PAPSS1: variants seen among roughly 807,000 people sequenced by gnomAD.
PAPSS1 encodes the protein 3'-phosphoadenosine 5'-phosphosulfate synthase 1.
PAPSS1 carries 50 observed loss-of-function variants against 72.0 expected under a neutral mutation model. The observed-to-expected ratio is 0.69, with a 90% CI of 0.55 to 0.88. The LOEUF is 0.88. Ranked by LOEUF, PAPSS1 falls within the 40% of genes least tolerant of loss-of-function variation. The pLI is 0.00. For missense variants in PAPSS1, 657 were observed against 782.2 expected, an observed-to-expected ratio of 0.84 and a Z score of 1.91; for synonymous variants, 261 against 263.6, an observed-to-expected ratio of 0.99 and a Z score of 0.09.
At position 107,631,778 on chromosome 4, in the gene PAPSS1, G is replaced by A. The variant is rs2110302489; in HGVS notation, c.1589C>T (p.Pro530Leu). 4.3e-6 allele frequency: 7 copies of A among 1,614,056 alleles called. No homozygotes were observed. Among genetic ancestry groups the A allele is most frequent in the Non-Finnish European group, 5.1e-6 (6 of 1,179,976 alleles). ...VGRDPAGMPH[P>L]ETGKDLYEPS... ...CTCATAAAGATCCTTCCCTGTTTCT[G>A]GATGAGGCATGCCAGCAGGGTCTCG... Residue 530 changes from proline (P) to leucine (L), a missense_variant, in exon 11 of 12, where the codon CCA (proline) becomes CTA (leucine). Physicochemically the swap from Pro to Leu is moderately conservative, Grantham distance 98. Transcript: ENST00000265174.
intron 3 of PAPSS1, among the ~76,000 whole-genome samples, chr4:107,690,391 C>G (rs376427830): frequency 3.3e-5 from 5 of 152,138 alleles, no homozygotes; most frequent in African/African-American, 1.2e-4. Flanking sequence ...CAGTTTTCTC[C>G]CTCTGGTCTA....
chr4:107,631,501 G>T, intron 11 of PAPSS1, 130 bp downstream of exon 11: 1 of 607,232 alleles, frequency 1.6e-6, no homozygotes, highest in East Asian at 2.8e-5. Context: ...TTACTTTTCT[G>T]GGTTTACCTT....
intron 5 of PAPSS1, among the ~76,000 whole-genome samples, chr4:107,664,851 T>A (rs1727274427): frequency 6.6e-6 from 1 of 152,218 alleles, no homozygotes; most frequent in African/African-American, 2.4e-5. Context: ...ACAAAGGCTA[T>A]AACCACTTTC....
intron 9 of PAPSS1, among the ~76,000 whole-genome samples, chr4:107,647,525 C>A (rs183697547): frequency 1.9e-3 from 282 of 152,288 alleles, no homozygotes; most frequent in Non-Finnish European, 3.4e-3. Context: ...GTGGCACCAA[C>A]CTTTTATATG....
intron 2 of PAPSS1, among the ~76,000 whole-genome samples, chr4:107,700,461 A>C (rs371447038): frequency 1.1e-4 from 16 of 152,242 alleles, no homozygotes; most frequent in African/African-American, 3.9e-4. Context: ...AAAGCTGAAT[A>C]ATAGAAATTC....
rs11945089 is a variant in PAPSS1, at chr4:107,693,735, T to C, written c.411+36A>G. ...TGCCTGATACCATATTCTCAATAAA[T>C]GTAAGCAGAAAGGCAATGGCACAAA... is the stretch of plus-strand genomic sequence containing the variant. On this transcript the variant is annotated intron_variant, in intron 3 of 11. Transcript: ENST00000265174. 8,468 of 1,427,276 alleles carry C rather than the reference T, an allele frequency of 5.9e-3. 408 individuals are homozygous for C. In the African/African-American group the frequency reaches 0.1, roughly 17 times the overall value. 88.4% of individuals were successfully genotyped at this position (1,427,276 alleles called of 1,614,324 possible).
chr4:107,654,572 C>T (rs1726942263), intron 8 of PAPSS1, 123 bp downstream of exon 8: 1 of 775,618 alleles, frequency 1.3e-6, no homozygotes, highest in Non-Finnish European at 2.2e-6. Flanking sequence ...AATCTAAGGT[C>T]CAATCTCTAC....
At chr4:107,711,015 A>C (rs922182672) in intron 1 of PAPSS1, among the ~76,000 whole-genome samples, 1 of 152,254 alleles carries the variant, frequency 6.6e-6, no homozygotes, top group African/African-American at 2.4e-5. Context: ...CCTTGACCAA[A>C]GCACAGCCAT....
intron 4 of PAPSS1, among the ~76,000 whole-genome samples, chr4:107,683,411 A>C (rs940852342): frequency 3.9e-5 from 6 of 152,158 alleles, no homozygotes; most frequent in African/African-American, 1.4e-4. Context: ...TTAAGCTCTG[A>C]TTCTCAAATG....
rs766491164 is a variant in PAPSS1, at chr4:107,720,231, A to G, written c.-52T>C. ...GGTTCTCTGCGCCGGGAGGGTAGCA[A>G]GAGGAGGGCAGGCCAGCGAGCGGGG... On this transcript the variant is annotated 5_prime_UTR_variant, in exon 1 of 12. Coordinates refer to ENST00000265174, the MANE Select transcript of PAPSS1 (RefSeq NM_005443.5). The G allele has an allele frequency of 4.5e-6, 7 of 1,556,928 alleles. No individual in the cohort carries two copies. In the African/African-American group the frequency reaches 5.6e-5, roughly 12 times the overall value.
chr4:107,635,826 A>T (rs2110305603), intron 10 of PAPSS1, among the ~76,000 whole-genome samples: 1 of 152,340 alleles, frequency 6.6e-6, no homozygotes, highest in African/African-American at 2.4e-5. Flanking sequence ...AGACTTTAAA[A>T]TATTCTTATC....
intron 1 of PAPSS1, among the ~76,000 whole-genome samples, chr4:107,702,736 A>C (rs922874051): frequency 6.6e-6 from 1 of 152,178 alleles, no homozygotes; most frequent in Non-Finnish European, 1.5e-5. Flanking sequence ...ACTTTTTTTT[A>C]ATCCATTTAT....
intron 1 of PAPSS1, among the ~76,000 whole-genome samples, chr4:107,717,228 T>C (rs1396308725): frequency 6.6e-6 from 1 of 152,222 alleles, no homozygotes; most frequent in Non-Finnish European, 1.5e-5. Context: ...GGTTACTTTT[T>C]ACTTTTTAAT....
chr4:107,707,313 G>C (rs1053744447), intron 1 of PAPSS1, among the ~76,000 whole-genome samples: 2 of 152,200 alleles, frequency 1.3e-5, no homozygotes, highest in African/African-American at 4.8e-5. Flanking sequence ...TGGTACTAAA[G>C]GTAGCTCTAA....
At chr4:107,656,302 G>A (rs775412720) in intron 7 of PAPSS1, among the ~76,000 whole-genome samples, 3 of 152,136 alleles carry the variant, frequency 2.0e-5, no homozygotes, top group African/African-American at 7.2e-5. Context: ...TCTTAGTAGA[G>A]ATGGGGTTTC....
At chr4:107,706,726 T>C (rs1042701620) in intron 1 of PAPSS1, among the ~76,000 whole-genome samples, 1 of 152,194 alleles carries the variant, frequency 6.6e-6, no homozygotes, top group African/African-American at 2.4e-5. Flanking sequence ...AATGAAGAGG[T>C]AGGGACTGAT....
intron 10 of PAPSS1, 89 bp from the exon 11 acceptor site, chr4:107,631,949 A>G: frequency 1.3e-6 from 1 of 770,802 alleles, no homozygotes; most frequent in Non-Finnish European, 2.0e-6. Context: ...TATGCTTTTT[A>G]TAAAATCATT....
intron 9 of PAPSS1, among the ~76,000 whole-genome samples, chr4:107,646,292 G>A (rs965304505): frequency 2.8e-5 from 4 of 142,822 alleles, no homozygotes; most frequent in African/African-American, 1.1e-4. Context: ...TAGAACTACA[G>A]ATATATATAT....
At chr4:107,655,394 G>A (rs1240812556) in intron 7 of PAPSS1, among the ~76,000 whole-genome samples, 1 of 152,100 alleles carries the variant, frequency 6.6e-6, no homozygotes, top group African/African-American at 2.4e-5. Flanking sequence ...CCTTGAGATA[G>A]GAAGACAGAA....
Sources: gnomAD v4.1 joint callset for allele counts (sites outside exome capture counted in the v4.1 genomes callset) on GRCh38, gnomAD v4.1.1 for gene constraint, MANE v1.5 for transcripts, NCBI Gene and HGNC (gene_info 2026-07-23, HGNC 2026-07-21) for gene names.